Variants in ZFHX2 observed in about 807,000 individuals in gnomAD.
The protein encoded by ZFHX2 is zinc finger homeobox 2.
In ZFHX2, 75 loss-of-function variants were observed where a neutral mutation model predicts 164.8. The observed-to-expected ratio is 0.46, with a 90% CI of 0.38 to 0.55. ZFHX2 has a LOEUF of 0.55. ZFHX2 is among the 20% of genes least tolerant of loss of function. The probability of loss-of-function intolerance (pLI) is 0.00; values close to 1 mark genes in which losing one functional copy is unlikely to be tolerated. For synonymous variants in ZFHX2, 1,217 were observed against 1,351.4 expected, an observed-to-expected ratio of 0.90 and a Z score of 2.18; for missense variants, 2,933 against 3,308.0, an observed-to-expected ratio of 0.89 and a Z score of 2.78.
intron 3 of ZFHX2, 34 bp downstream of exon 3, chr14:23,532,533 C>T (rs980732369): frequency 1.4e-6 from 2 of 1,429,026 alleles, no homozygotes; most frequent in African/African-American, 2.9e-5. Context: ...ATTCCCTTCT[C>T]CTCTTCCGAT....
At chr14:23,528,903 G>A (rs1879146592) in intron 6 of ZFHX2, 4 of 907,424 alleles carry the variant, frequency 4.4e-6, no homozygotes, top group South Asian at 5.1e-5. Context: ...GTCAGGGAGG[G>A]GATGACTGTA....
At chr14:23,528,987 G>A (rs1258742418) in intron 6 of ZFHX2, among the ~76,000 whole-genome samples, 2 of 152,250 alleles carry the variant, frequency 1.3e-5, no homozygotes, top group South Asian at 2.1e-4. Flanking sequence ...GTCTGTTGGC[G>A]GGAGCAGGAG....
chr14:23,526,879 G>A lies in ZFHX2; in HGVS notation c.3230C>T (p.Pro1077Leu), dbSNP rs1189685831. The change falls in exon 8 of 10, where the codon CCA becomes CTA. Residue 1077 changes from proline (P) to leucine (L), a missense_variant. Coordinates refer to ENST00000419474, the MANE Select transcript of ZFHX2 (RefSeq NM_033400.3). ...CTGGTCTCTGCTCGGTGTAGGCTCT[G>A]GCCCATGAGTGGGGGGTTCTTGGCC... Reference protein sequence around the residue: ...DNGQEPPTHGPEPTPSRDQAA... With the variant: ...DNGQEPPTHGLEPTPSRDQAA... The A allele has an allele frequency of 1.3e-6, 2 of 1,534,188 alleles. No homozygotes were observed. Among genetic ancestry groups the A allele is most frequent in the South Asian group, 1.2e-5 (1 of 83,754 alleles).
Position 23,534,196 on chromosome 14 carries a change from T to G in ZFHX2, c.1130A>C (p.Glu377Ala). Residue 377 changes from glutamate (E) to alanine (A), a missense_variant, in exon 2 of 10, where the codon GAG (glutamate) becomes GCG (alanine). Physicochemically the swap from Glu to Ala is moderately radical, Grantham distance 107. Coordinates refer to ENST00000419474, the MANE Select transcript of ZFHX2 (RefSeq NM_033400.3). This position sits in a 1 kb window ranked among gnomAD's most constrained non-coding sequence, Gnocchi z 4.5. ...AGEAGPDWFP[E>A]GQEEDGGLCP... The stretch of plus-strand genomic sequence containing the variant: ...GAGCCCTCCATCCTCTTCTTGCCCC[T>G]CAGGGAACCAATCTGGCCCTGCCTC... The G allele has an allele frequency of 6.7e-7, 1 of 1,483,856 alleles. No homozygotes were observed. 91.9% of individuals were successfully genotyped at this position (1,483,856 alleles called of 1,614,324 possible). A position where few individuals can be genotyped will look rare whatever the true frequency, so the allele number is the denominator to read the frequency against.
chr14:23,524,464 T>C lies in ZFHX2; in HGVS notation c.5478A>G (p.Pro1826=). The change falls in exon 9 of 10, where the codon CCA becomes CCG. Residue 1826 remains proline (P), a synonymous_variant. Coordinates refer to ENST00000419474, the MANE Select transcript of ZFHX2 (RefSeq NM_033400.3). The surrounding 1 kb of genome is among the most constrained non-coding windows in gnomAD (Gnocchi z 5.6). ...NPLVAATSPM[P]GPPLKRKHED... ...CATGCTTCCGTTTGAGAGGTGGACC[T>C]GGCATTGGTGAGGTGGCTGCCACCA... The C allele has an allele frequency of 6.5e-7, 1 of 1,534,588 alleles. No homozygotes were observed. The highest frequency in any genetic ancestry group is 8.7e-7 in the Non-Finnish European group (1 of 1,145,846).
chr14:23,540,631 G>C (rs764832934), intron 1 of ZFHX2, among the ~76,000 whole-genome samples: 4 of 152,206 alleles, frequency 2.6e-5, no homozygotes, highest in Non-Finnish European at 4.4e-5. Context: ...TCCACACACA[G>C]AGAGCCAGGT....
Position 23,533,645 on chromosome 14 carries a change from T to C in ZFHX2, c.1681A>G (p.Lys561Glu). 1 of 1,537,058 alleles carries C rather than the reference T, an allele frequency of 6.5e-7. No homozygotes were observed. The highest frequency in any genetic ancestry group is 2.4e-5 in the East Asian group (1 of 40,926). The part of the protein sequence containing the change: ...EASLPPSAGD[K>E]EPKTKSSWQC... The stretch of plus-strand genomic sequence containing the variant: ...CAGGATGATTTGGTCTTAGGCTCTT[T>C]GTCTCCCGCGGAGGGTGGGAGTGAT... The change falls in exon 2 of 10, where the codon AAA becomes GAA. Residue 561 changes from lysine to glutamate, a missense_variant. Transcript: ENST00000419474. This position sits in a 1 kb window ranked among gnomAD's most constrained non-coding sequence, Gnocchi z 4.8.
chr14:23,521,806 G>T lies in ZFHX2; in HGVS notation c.*156C>A, dbSNP rs1225947242. On this transcript the variant is annotated 3_prime_UTR_variant, in exon 10 of 10. Coordinates refer to ENST00000419474, the MANE Select transcript of ZFHX2 (RefSeq NM_033400.3). ...GGAGGCAGGACTCTGCTGGAAGTGG[G>T]GTGTGTGGTGCCCACTGAGGGTGGG... is the stretch of plus-strand genomic sequence containing the variant. The T allele has an allele frequency of 7.6e-7, 1 of 1,309,640 alleles. No individual in the cohort carries two copies. The highest frequency in any genetic ancestry group is 1.0e-6 in the Non-Finnish European group (1 of 984,514). 81.1% of individuals were successfully genotyped at this position (1,309,640 alleles called of 1,614,324 possible).
chr14:23,537,580 T>C (rs574582797), intron 1 of ZFHX2, among the ~76,000 whole-genome samples: 1 of 151,806 alleles, frequency 6.6e-6, no homozygotes, highest in East Asian at 1.9e-4. Context: ...GAATGCTGAG[T>C]GGAGTGGGAT....
rs1297404089 is a variant in ZFHX2 at position 23,524,590 on chromosome 14, C to T, written c.5352G>A (p.Leu1784=). 1 of 1,535,870 alleles carries T rather than the reference C, an allele frequency of 6.5e-7. No homozygotes were observed. The change falls in exon 9 of 10, where the codon CTG becomes CTA. Residue 1784 remains leucine, a synonymous_variant. Coordinates refer to ENST00000419474, the MANE Select transcript of ZFHX2 (RefSeq NM_033400.3). The surrounding 1 kb of genome is among the most constrained non-coding windows in gnomAD (Gnocchi z 5.6). ...GGAAATGTAGTCGGCGGTGACTGGT[C>T]AGGAGGTCCTGGCTGGAGAAAGAAA... ...CAISFSSQDL[L]TSHRRLHFLP...
At chr14:23,527,045 C>T (rs971076727) in intron 7 of ZFHX2, 72 bp from the exon 8 acceptor site, 15 of 1,427,780 alleles carry the variant, frequency 1.1e-5, no homozygotes, top group Non-Finnish European at 1.4e-5. Context: ...GACCCATCTG[C>T]CCTACACCTG....
chr14:23,534,739 G>A lies in ZFHX2; in HGVS notation c.587C>T (p.Ser196Phe). 1 of 1,536,190 alleles carries A rather than the reference G, an allele frequency of 6.5e-7. No homozygotes were observed. The highest frequency in any genetic ancestry group is 8.7e-7 in the Non-Finnish European group (1 of 1,146,922). ...ATGCCTTTCCTCACAGGCAGCCGGA[G>A]ATGGTGCTGAGGTATCATGGGACAG... ...QILSHDTSAP[S>F]PAACEERHGA... Residue 196 changes from serine (S) to phenylalanine (F), a missense_variant, in exon 2 of 10, where the codon TCT (serine) becomes TTT (phenylalanine). Physicochemically the swap from Ser to Phe is radical, Grantham distance 155. Coordinates refer to ENST00000419474, the MANE Select transcript of ZFHX2 (RefSeq NM_033400.3). The surrounding 1 kb of genome is among the most constrained non-coding windows in gnomAD (Gnocchi z 4.5).
Position 23,522,768 on chromosome 14 carries a change from A to G in ZFHX2, c.6913T>C (p.Leu2305=), listed in dbSNP as rs2138649996. 6.5e-7 allele frequency: 1 copy of G among 1,536,412 alleles called. No homozygotes were observed. The highest frequency in any genetic ancestry group is 8.7e-7 in the Non-Finnish European group (1 of 1,146,916). ...CGCTCACTGGAGACCTTGTCCCCCA[A>G]GGGCTCAGTAGGAGGGCCTGGGACA... ...DPVPGPPTEP[L]GDKVSSERKP... The change falls in exon 10 of 10, where the codon TTG becomes CTG. Residue 2305 remains leucine (L), a synonymous_variant. Transcript: ENST00000419474.
rs756698862 is a variant in ZFHX2 at position 23,535,133 on chromosome 14, A to G, written c.193T>C (p.Cys65Arg). ...ATCTCCTTTGGTGGGACGAGGCCACAGCCCGACTCCAGGAGCTGTCCCCCT... is the reference window on the plus strand; with the variant it reads ...ATCTCCTTTGGTGGGACGAGGCCACGGCCCGACTCCAGGAGCTGTCCCCCT... Reference protein sequence around the residue: ...EPGGQLLESGCGLVPPKEIGE... With the variant: ...EPGGQLLESGRGLVPPKEIGE... The change falls in exon 2 of 10, where the codon TGT (cysteine) becomes CGT (arginine). Residue 65 changes from cysteine to arginine, a missense_variant. Coordinates refer to ENST00000419474, the MANE Select transcript of ZFHX2 (RefSeq NM_033400.3). This position sits in a 1 kb window ranked among gnomAD's most constrained non-coding sequence, Gnocchi z 4.5. 2.6e-6 allele frequency: 4 copies of G among 1,536,156 alleles called. No homozygotes were observed. Among genetic ancestry groups the G allele is most frequent in the Admixed American group, 2.0e-5 (1 of 51,000 alleles).
chr14:23,522,533 G>A lies in ZFHX2; in HGVS notation c.7148C>T (p.Pro2383Leu). Residue 2383 changes from proline to leucine, a missense_variant, in exon 10 of 10, where the codon CCC becomes CTC. Physicochemically the swap from Pro to Leu is moderately conservative, Grantham distance 98 (BLOSUM62 -3). Transcript: ENST00000419474. Reference protein sequence around the residue: ...QLYGMKKGLFPMNPMIPQTLI... With the variant: ...QLYGMKKGLFLMNPMIPQTLI... ...GGTCTGAGGTATCATGGGGTTCATG[G>A]GAAATAGCCCCTTCTTCATGCCATA... The A allele has an allele frequency of 6.5e-7, 1 of 1,527,946 alleles. No homozygotes were observed. Among genetic ancestry groups the A allele is most frequent in the Non-Finnish European group, 8.8e-7 (1 of 1,141,420 alleles). The allele number at this position is 1,527,946 out of a possible 1,614,324, so 94.6% of individuals were successfully genotyped here.
At chr14:23,536,049 T>C (rs1471374178) in intron 1 of ZFHX2, among the ~76,000 whole-genome samples, 3 of 152,144 alleles carry the variant, frequency 2.0e-5, no homozygotes, top group African/African-American at 7.2e-5. Context: ...TTCTAAAACA[T>C]GTCAATCCCT....
chr14:23,533,174 T>C lies in ZFHX2; in HGVS notation c.2042-90A>G. 6.9e-7 allele frequency: 1 copy of C among 1,441,568 alleles called. No homozygotes were observed. Among genetic ancestry groups the C allele is most frequent in the Non-Finnish European group, 9.1e-7 (1 of 1,101,912 alleles). 89.3% of individuals were successfully genotyped at this position (1,441,568 alleles called of 1,614,324 possible). On this transcript the variant is annotated intron_variant, in intron 2 of 9. Transcript: ENST00000419474. The surrounding 1 kb of genome is among the most constrained non-coding windows in gnomAD (Gnocchi z 4.8). Reference sequence around the variant, plus strand: ...GGAGGTGGGTTAATGAGTAGGATAGTGCTCAGAGGGACTTATGGTTACCTA... The same window carrying C: ...GGAGGTGGGTTAATGAGTAGGATAGCGCTCAGAGGGACTTATGGTTACCTA...
chr14:23,544,984 C>T (rs554615569), intron 1 of ZFHX2, among the ~76,000 whole-genome samples: 5 of 152,030 alleles, frequency 3.3e-5, no homozygotes, highest in African/African-American at 4.8e-5. Flanking sequence ...TCTCCCTTCC[C>T]GCTTCTCTCT....
upstream of ZFHX2, among the ~76,000 whole-genome samples, chr14:23,554,180 C>A (rs1882176065): frequency 1.3e-5 from 2 of 152,022 alleles, no homozygotes; most frequent in African/African-American, 4.8e-5. Context: ...AAATAAGCTG[C>A]TGCTTTTGCC....
Sources: gnomAD v4.1 joint callset for allele counts (sites outside exome capture counted in the v4.1 genomes callset) on GRCh38, gnomAD v4.1.1 for gene constraint, Gnocchi (gnomAD v3.1) non-coding constraint, MANE v1.5 for transcripts, NCBI Gene and HGNC (gene_info 2026-07-23, HGNC 2026-07-21) for gene names.